The following RMP64 variants were observed in gnomAD, a reference collection of about 807,000 sequenced individuals.
RMP64 encodes nucleolus and neural progenitor protein.
chr3:113,017,716 T>A, the RMP64 span: 2 of 940,506 alleles, frequency 2.1e-6, no homozygotes, highest in Non-Finnish European at 3.2e-6. Flanking sequence ...AATCAAAAAC[T>A]AATGTAATCA....
chr3:113,008,012 T>TA, the RMP64 span, among the ~76,000 whole-genome samples: 2 of 152,222 alleles, frequency 1.3e-5, no homozygotes, highest in African/African-American at 4.8e-5. Context: ...GCTTTGCTCT[T>TA]ACAATAAAAG....
chr3:113,019,512 T>TC, the RMP64 span: 2 of 1,563,022 alleles, frequency 1.3e-6, no homozygotes, highest in Admixed American at 3.4e-5. Context: ...CCGGAAACGT[T>TC]CCCCCATCCT....
the RMP64 span, among the ~76,000 whole-genome samples, chr3:113,011,703 G>A: frequency 6.6e-6 from 1 of 152,144 alleles, no homozygotes. Flanking sequence ...TTTAAGTGTG[G>A]TAGATGGTGA....
the RMP64 span, chr3:113,011,463 A>G: frequency 4.9e-6 from 7 of 1,429,450 alleles, no homozygotes; most frequent in Admixed American, 2.3e-5. Context: ...TGCAGATTAC[A>G]TAATAAACTG....
the RMP64 span, chr3:113,014,073 G>A: frequency 8.1e-7 from 1 of 1,232,130 alleles, no homozygotes; most frequent in Non-Finnish European, 1.2e-6. Context: ...TGTATGTAAT[G>A]CAGACAGGGT....
chr3:113,012,532 G>A, the RMP64 span: 9 of 400,210 alleles, frequency 2.2e-5, no homozygotes, highest in Non-Finnish European at 1.8e-5. Context: ...CTTGTGGATT[G>A]AGATACAAAG....
the RMP64 span, chr3:113,004,086 A>G: frequency 6.6e-6 from 1 of 152,218 alleles, no homozygotes; most frequent in Admixed American, 6.5e-5. Context: ...CTTGTCTAGA[A>G]TGAAATCTCC....
At chr3:113,019,510 G>A in the RMP64 span, 4 of 1,556,480 alleles carry the variant, frequency 2.6e-6, no homozygotes, top group African/African-American at 2.7e-5. Flanking sequence ...CCCCGGAAAC[G>A]TTCCCCCATC....
chr3:113,009,848 A>C, the RMP64 span, among the ~76,000 whole-genome samples: 1 of 152,216 alleles, frequency 6.6e-6, no homozygotes, highest in Non-Finnish European at 1.5e-5. Context: ...CATAAATTGG[A>C]CAGAACATCA....
At chr3:113,011,104 A>C in the RMP64 span, 1 of 1,612,474 alleles carries the variant, frequency 6.2e-7, no homozygotes, top group Non-Finnish European at 8.5e-7. Context: ...CTGTACATTG[A>C]TCTTCATTTG....
chr3:113,019,010 C>T, the RMP64 span: 1 of 154,914 alleles, frequency 6.5e-6, no homozygotes, highest in African/African-American at 2.4e-5. Flanking sequence ...CGCACTGTCT[C>T]CTAAATTACA....
the RMP64 span, among the ~76,000 whole-genome samples, chr3:113,010,861 CAACTT>C: frequency 2.6e-5 from 4 of 152,126 alleles, no homozygotes; most frequent in Non-Finnish European, 4.4e-5. Flanking sequence ...AACAAATAAA[CAACTT>C]AAAGTACTCA....
At chr3:113,013,363 T>C in the RMP64 span, 50 of 1,613,634 alleles carry the variant, frequency 3.1e-5, no homozygotes, top group African/African-American at 6.3e-4. Flanking sequence ...ACTGGCTGAC[T>C]GGGGACAACA....
the RMP64 span, chr3:113,011,307 GAAGT>G: frequency 1.2e-6 from 2 of 1,613,594 alleles, no homozygotes; most frequent in Non-Finnish European, 1.7e-6. Flanking sequence ...TAAAATCTTT[GAAGT>G]AAGGCATTGG....
chr3:113,003,236 G>A, the RMP64 span: 1 of 152,188 alleles, frequency 6.6e-6, no homozygotes, highest in African/African-American at 2.4e-5. Context: ...CAGCTACTCA[G>A]GCGGCTGAGG....
the RMP64 span, chr3:113,011,338 T>C: frequency 1.2e-6 from 2 of 1,612,024 alleles, no homozygotes; most frequent in Non-Finnish European, 8.5e-7. Flanking sequence ...CCTAGCGACC[T>C]CTTGAAGCAA....
At chr3:113,016,054 G>A in the RMP64 span, among the ~76,000 whole-genome samples, 2 of 152,110 alleles carry the variant, frequency 1.3e-5, no homozygotes, top group South Asian at 4.2e-4. Context: ...TCAGAAGCAG[G>A]AACAAACATA....
At chr3:113,015,219 C>CT in the RMP64 span, among the ~76,000 whole-genome samples, 2 of 152,064 alleles carry the variant, frequency 1.3e-5, no homozygotes, top group African/African-American at 4.8e-5. Flanking sequence ...ATGGCTCTTA[C>CT]TTTTTTTAAA....
chr3:113,019,585 C>G, the RMP64 span: 1 of 1,613,756 alleles, frequency 6.2e-7, no homozygotes, highest in African/African-American at 1.3e-5. Flanking sequence ...CGCTGCGGTT[C>G]CCCGCCTTAG....
Sources: allele counts gnomAD v4.1 joint callset (sites outside exome capture counted in the v4.1 genomes callset), GRCh38; gene constraint gnomAD v4.1.1; transcripts MANE v1.5; gene names NCBI Gene and HGNC (gene_info 2026-07-23, HGNC 2026-07-21).